GABRG3: variants seen among roughly 807,000 people sequenced by gnomAD.
GABRG3 encodes gamma-aminobutyric acid receptor subunit gamma-3.
Under a neutral mutation model 48.8 loss-of-function variants are expected in GABRG3, and 25 were observed. That is an observed-to-expected ratio of 0.51 (90% CI 0.37 to 0.72). The LOEUF is 0.72. Ranked by LOEUF, GABRG3 falls within the 30% of genes least tolerant of loss-of-function variation. The probability of loss-of-function intolerance (pLI) is 0.00; values close to 1 mark genes in which losing one functional copy is unlikely to be tolerated. For missense variants in GABRG3, 394 were observed against 577.9 expected (o/e 0.68, Z 3.26); for synonymous variants, 227 against 217.6 (o/e 1.04, Z -0.38).
At chr15:27,466,130 TG>T (rs1889602106) in intron 5 of GABRG3, among the ~76,000 whole-genome samples, 1 of 152,202 alleles carries the variant, frequency 6.6e-6, no homozygotes, top group Admixed American at 6.5e-5. Context: ...CGCACTGAGT[TG>T]AGAAATCTCT....
At position 27,469,632 on chromosome 15, in the gene GABRG3, C is replaced by A. The variant is rs544037170; in HGVS notation, c.575-11018C>A. 2.0e-5 allele frequency among the ~76,000 whole-genome samples: 3 copies of A among 152,246 alleles called. No individual in the cohort carries two copies. The East Asian group carries it at 5.8e-4, about 29-fold the overall frequency. Reference sequence around the variant, plus strand: ...CTGGGATCACAGACGTGAGCCACCGCGCCTGGCCTCAAGTCTCTTTTAATC... The same window carrying A: ...CTGGGATCACAGACGTGAGCCACCGAGCCTGGCCTCAAGTCTCTTTTAATC... On this transcript the variant is annotated intron_variant, in intron 5 of 9. Transcript: ENST00000615808.
intron 3 of GABRG3, among the ~76,000 whole-genome samples, chr15:27,152,443 A>T (rs543789824): frequency 3.3e-5 from 5 of 152,318 alleles, no homozygotes; most frequent in African/African-American, 7.2e-5. Flanking sequence ...TAAAAATTTT[A>T]AAAAATTGGT....
chr15:27,361,576 C>T (rs1260228609), intron 5 of GABRG3, among the ~76,000 whole-genome samples: 2 of 152,200 alleles, frequency 1.3e-5, no homozygotes, highest in African/African-American at 4.8e-5. Flanking sequence ...CTTGAGCTCC[C>T]CTGCCAGAGA....
At position 26,976,274 on chromosome 15, in the gene GABRG3, A is replaced by G. The variant is rs1894942539; in HGVS notation, c.54-728A>G. 6.6e-6 allele frequency among the ~76,000 whole-genome samples: 1 copy of G among 152,226 alleles called. No homozygotes were observed. ...CCCAGGCATTCACTGAGACTCATTT[A>G]CTAAGAAGTCAGAATGTTGAAGACT... On this transcript the variant is annotated intron_variant, in intron 1 of 9. Coordinates refer to ENST00000615808, the MANE Select transcript of GABRG3 (RefSeq NM_033223.5). The surrounding 1 kb of genome is among the most constrained non-coding windows in gnomAD (Gnocchi z 7.8).
At chr15:27,205,992 G>A (rs1888840157) in intron 3 of GABRG3, among the ~76,000 whole-genome samples, 1 of 151,832 alleles carries the variant, frequency 6.6e-6, no homozygotes, top group South Asian at 2.1e-4. Context: ...GTCTGTCAAT[G>A]TTACTTATTC....
chr15:27,374,965 C>A (rs1396564400), intron 5 of GABRG3, among the ~76,000 whole-genome samples: 1 of 151,936 alleles, frequency 6.6e-6, no homozygotes, highest in East Asian at 1.9e-4. Context: ...CTGATGACCC[C>A]CAACACAATG....
chr15:27,374,138 C>CTTTTTTTTTTT (rs201839822), intron 5 of GABRG3, among the ~76,000 whole-genome samples: 33 of 91,628 alleles, frequency 3.6e-4, no homozygotes, highest in Non-Finnish European at 5.0e-4. Context: ...TTCTTTTCTT[C>CTTTTTTTTTTT]TTTTTTTTTT....
chr15:27,210,826 C>A (rs945975131), intron 3 of GABRG3, among the ~76,000 whole-genome samples: 10 of 152,174 alleles, frequency 6.6e-5, no homozygotes, highest in Non-Finnish European at 1.3e-4. Context: ...GCTGTGTGAG[C>A]ATTTTGCTTG....
chr15:27,361,912 T>C (rs1895035644), intron 5 of GABRG3, among the ~76,000 whole-genome samples: 1 of 152,244 alleles, frequency 6.6e-6, no homozygotes, highest in South Asian at 2.1e-4. Flanking sequence ...ATTTAGCTGA[T>C]GTTCAATAGT....
chr15:27,179,754 T>C lies in GABRG3; in HGVS notation c.271-147055T>C, dbSNP rs1216266926. Among the ~76,000 whole-genome samples the C allele has an allele frequency of 6.6e-6, 1 of 152,174 alleles. No individual in the cohort carries two copies. Among genetic ancestry groups the C allele is most frequent in the Non-Finnish European group, 1.5e-5 (1 of 68,042 alleles). ...TTTTCATGGTGTGAATTTTGAATGC[T>C]GTGGGAAAGATGGAAGCCAAAGATG... is the stretch of plus-strand genomic sequence containing the variant. On this transcript the variant is annotated intron_variant, in intron 3 of 9. Coordinates refer to ENST00000615808, the MANE Select transcript of GABRG3 (RefSeq NM_033223.5). This position sits in a 1 kb window ranked among gnomAD's most constrained non-coding sequence, Gnocchi z 4.0.
chr15:27,288,708 C>T (rs1264424365), intron 3 of GABRG3, among the ~76,000 whole-genome samples: 4 of 125,608 alleles, frequency 3.2e-5, no homozygotes, highest in Admixed American at 8.0e-5. Context: ...AGCAAAACTC[C>T]GTCTCACAGA....
intron 3 of GABRG3, among the ~76,000 whole-genome samples, chr15:27,248,831 GAGAGAC>G (rs1371494230): frequency 7.8e-6 from 1 of 128,912 alleles, no homozygotes; most frequent in Admixed American, 7.8e-5. Context: ...GAGAGAGAGA[GAGAGAC>G]AGAGAGAAGC....
At chr15:27,216,777 A>AATTTTTTTTTTTTTTTTTTTTTT (rs1889270040) in intron 3 of GABRG3, among the ~76,000 whole-genome samples, 1 of 59,916 alleles carries the variant, frequency 1.7e-5, no homozygotes, top group Non-Finnish European at 3.2e-5. Flanking sequence ...TTTATTTTTT[A>AATTTTTTTTTTTTTTTTTTTTTT]ATTTTTTTTT....
chr15:27,224,051 C>G (rs8026989), intron 3 of GABRG3, among the ~76,000 whole-genome samples: 25,485 of 152,088 alleles, frequency 0.17, 2,830 homozygotes, highest in East Asian at 0.41. Context: ...GTACCCAGAG[C>G]GTGTGGACTG....
intron 3 of GABRG3, among the ~76,000 whole-genome samples, chr15:27,221,035 A>G (rs1300540918): frequency 6.6e-6 from 1 of 151,578 alleles, no homozygotes; most frequent in Non-Finnish European, 1.5e-5. Context: ...AAATATTATG[A>G]TGTCCTTAAT....
At chr15:27,398,849 G>C (rs748214496) in intron 5 of GABRG3, among the ~76,000 whole-genome samples, 6 of 152,176 alleles carry the variant, frequency 3.9e-5, no homozygotes, top group Non-Finnish European at 5.9e-5. Flanking sequence ...TGCATCGTCA[G>C]AGGTAAACAA....
intron 3 of GABRG3, among the ~76,000 whole-genome samples, chr15:27,313,811 G>C (rs529526180): frequency 3.3e-5 from 5 of 152,152 alleles, no homozygotes; most frequent in African/African-American, 1.2e-4. Flanking sequence ...ATACTTATAG[G>C]ATATGAGGAA....
chr15:27,374,138 CT>C (rs201839822), intron 5 of GABRG3, among the ~76,000 whole-genome samples: 2,636 of 91,706 alleles, frequency 0.029, 12 homozygotes, highest in East Asian at 0.095. Flanking sequence ...TTCTTTTCTT[CT>C]TTTTTTTTTT....
chr15:27,097,487 C>T (rs553911050), intron 3 of GABRG3, among the ~76,000 whole-genome samples: 1 of 152,148 alleles, frequency 6.6e-6, no homozygotes, highest in Admixed American at 6.5e-5. Context: ...CCCTCCTTTA[C>T]TTCCTTTGTT....
Sources: allele counts gnomAD v4.1 joint callset (sites outside exome capture counted in the v4.1 genomes callset), GRCh38; gene constraint gnomAD v4.1.1; non-coding constraint Gnocchi (gnomAD v3.1); transcripts MANE v1.5; gene names NCBI Gene and HGNC (gene_info 2026-07-23, HGNC 2026-07-21).